The following SVIL variants were observed in gnomAD, a reference collection of about 807,000 sequenced individuals.
SVIL encodes the protein archvillin.
A neutral mutation model predicts 240.4 loss-of-function variants in SVIL; 101 were observed. The observed-to-expected ratio is 0.42, with a 90% confidence interval of 0.36 to 0.50. The LOEUF (loss-of-function observed/expected upper bound fraction) is 0.50. Ranked by LOEUF, SVIL falls within the 20% of genes least tolerant of loss-of-function variation. SVIL has a pLI of 0.01. For synonymous variants in SVIL, 999 were observed against 1,100.0 expected, an observed-to-expected ratio of 0.91 and a Z score of 1.82; for missense variants, 2,512 against 2,818.7, an observed-to-expected ratio of 0.89 and a Z score of 2.46.
At chr10:29,465,951 A>C (rs1040916490) in intron 33 of SVIL, among the ~76,000 whole-genome samples, 3 of 152,200 alleles carry the variant, frequency 2.0e-5, no homozygotes, top group Non-Finnish European at 2.9e-5. Context: ...CATTAATTAT[A>C]TAAAAATGAA....
At chr10:29,573,657 A>T (rs1296543506) in intron 1 of SVIL, among the ~76,000 whole-genome samples, 1 of 151,766 alleles carries the variant, frequency 6.6e-6, no homozygotes, top group Non-Finnish European at 1.5e-5. Context: ...TCCTCACGTC[A>T]TTCTGTAGGT....
intron 1 of SVIL, among the ~76,000 whole-genome samples, chr10:29,597,287 C>T (rs1956631274): frequency 6.6e-6 from 1 of 152,192 alleles, no homozygotes; most frequent in Non-Finnish European, 1.5e-5. Flanking sequence ...AAAGCCCGCC[C>T]TGAGGGAAGA....
chr10:29,573,416 A>T (rs923871672), intron 1 of SVIL, among the ~76,000 whole-genome samples: 25 of 152,212 alleles, frequency 1.6e-4, no homozygotes, highest in African/African-American at 5.8e-4. Flanking sequence ...AATTTAATCT[A>T]TTATTTAGGT....
rs1379668931 is a variant in SVIL at position 29,486,132 on chromosome 10, C to T, written c.4732G>A (p.Asp1578Asn). 8.1e-6 allele frequency: 13 copies of T among 1,614,046 alleles called. No individual in the cohort carries two copies. Among genetic ancestry groups the T allele is most frequent in the South Asian group, 1.1e-5 (1 of 91,082 alleles). ...CACTTCGGAATTTTCCCCCAGTAGT[C>T]GTCATCAGGAACAAGTTTGTCATCC... Reference protein sequence around the residue: ...LMDDKLVPDDDYWGKIPKCSL... With the variant: ...LMDDKLVPDDNYWGKIPKCSL... Residue 1578 changes from aspartate (D) to asparagine (N), a missense_variant, in exon 26 of 38, where the codon GAC (aspartate) becomes AAC (asparagine). This residue lies in a region of SVIL where 797 missense variants were observed against 925.3 expected (regional missense o/e 0.86). Transcript: ENST00000355867.
intron 6 of SVIL, among the ~76,000 whole-genome samples, chr10:29,547,463 G>T (rs1952796068): frequency 6.6e-6 from 1 of 152,094 alleles, no homozygotes. Flanking sequence ...TCTTTTTCAT[G>T]AAAGTAAAGT....
At chr10:29,479,248 G>A (rs570713206) in intron 29 of SVIL, among the ~76,000 whole-genome samples, 8 of 152,166 alleles carry the variant, frequency 5.3e-5, no homozygotes, top group African/African-American at 1.2e-4. Flanking sequence ...CCCGCAGAGC[G>A]GTTTAATAGC....
intron 13 of SVIL, among the ~76,000 whole-genome samples, chr10:29,526,377 TC>T (rs1950917572): frequency 6.9e-6 from 1 of 145,178 alleles, no homozygotes; most frequent in African/African-American, 2.5e-5. Flanking sequence ...CGATCTTGAC[TC>T]ACTGCAACCT....
chr10:29,498,489 C>G (rs1564521798), intron 18 of SVIL, among the ~76,000 whole-genome samples: 1 of 152,202 alleles, frequency 6.6e-6, no homozygotes, highest in Admixed American at 6.5e-5. Flanking sequence ...GAAACCTACA[C>G]TTGCACTCAA....
At chr10:29,676,801 C>A (rs192338497) in intron 2 of SVIL, among the ~76,000 whole-genome samples, 3 of 152,172 alleles carry the variant, frequency 2.0e-5, no homozygotes, top group Non-Finnish European at 4.4e-5. Flanking sequence ...TAGGATGTAA[C>A]GCCCATTTGG....
chr10:29,647,468 C>T (rs1372066907), intron 3 of SVIL, among the ~76,000 whole-genome samples: 2 of 152,100 alleles, frequency 1.3e-5, no homozygotes, highest in Non-Finnish European at 1.5e-5. Flanking sequence ...TTTTAAAAGT[C>T]TTAAAGCTAG....
At chr10:29,722,872 C>G (rs1779226124) in intron 1 of SVIL, among the ~76,000 whole-genome samples, 2 of 152,180 alleles carry the variant, frequency 1.3e-5, no homozygotes, top group African/African-American at 4.8e-5. Flanking sequence ...GAATGTGACC[C>G]TGGAATCAGA....
intron 3 of SVIL, among the ~76,000 whole-genome samples, chr10:29,648,670 C>T (rs191225094): frequency 6.6e-5 from 10 of 152,172 alleles, no homozygotes; most frequent in African/African-American, 2.2e-4. Flanking sequence ...CCCTTTAGCA[C>T]GGCCCTGTGG....
intron 1 of SVIL, among the ~76,000 whole-genome samples, chr10:29,706,047 C>T (rs918453949): frequency 6.6e-6 from 1 of 152,012 alleles, no homozygotes; most frequent in African/African-American, 2.4e-5. Context: ...CATAGCAGCT[C>T]ATGCCTGTAG....
chr10:29,694,396 T>C (rs111448975), intron 1 of SVIL, among the ~76,000 whole-genome samples: 18,982 of 151,964 alleles, frequency 0.12, 1,449 homozygotes, highest in Admixed American at 0.21. Context: ...GTACAACCTG[T>C]CTCTTAAAAA....
At chr10:29,681,952 G>T (rs146299175) in intron 2 of SVIL, among the ~76,000 whole-genome samples, 4 of 152,084 alleles carry the variant, frequency 2.6e-5, no homozygotes. Flanking sequence ...ACACACTTCC[G>T]CTCAGACCTG....
intron 1 of SVIL, among the ~76,000 whole-genome samples, chr10:29,708,140 C>T (rs1334277549): frequency 1.3e-5 from 2 of 151,330 alleles, no homozygotes; most frequent in African/African-American, 4.9e-5. Flanking sequence ...CGCCTGTAGT[C>T]CCAGCTACTC....
chr10:29,522,354 G>C lies in SVIL; in HGVS notation c.3389+56C>G, dbSNP rs1950611435. 20 of 1,568,100 alleles carry C rather than the reference G, an allele frequency of 1.3e-5. No homozygotes were observed. In the South Asian group the frequency reaches 2.3e-4, roughly 18 times the overall value. On this transcript the variant is annotated intron_variant, in intron 16 of 37. Coordinates refer to ENST00000355867, the MANE Select transcript of SVIL (RefSeq NM_021738.3). The stretch of plus-strand genomic sequence containing the variant: ...CCATCACCGAGATTGTTTTCTAAAA[G>C]CAAGCTGTAAGCTCCTCCCCGAGAG...
At chr10:29,605,279 T>C (rs189578953) in intron 1 of SVIL, among the ~76,000 whole-genome samples, 4 of 152,354 alleles carry the variant, frequency 2.6e-5, no homozygotes, top group Admixed American at 2.6e-4. Flanking sequence ...CAAACAAAGC[T>C]ACATCACCTT....
chr10:29,702,554 G>C (rs547442101), intron 1 of SVIL, among the ~76,000 whole-genome samples: 20 of 152,164 alleles, frequency 1.3e-4, no homozygotes, highest in Non-Finnish European at 1.6e-4. Flanking sequence ...ACACGTTCAC[G>C]AGGTTTATCA....
Sources: gnomAD v4.1 joint callset for allele counts (sites outside exome capture counted in the v4.1 genomes callset) on GRCh38, gnomAD v4.1.1 for gene constraint, gnomAD v4.1.1 regional missense constraint, MANE v1.5 for transcripts, NCBI Gene and HGNC (gene_info 2026-07-23, HGNC 2026-07-21) for gene names.